Variants in COMMD10 observed in about 807,000 individuals in gnomAD.
COMMD10 encodes COMM domain containing 10, also known as COMM domain-containing protein 10.
A neutral mutation model predicts 28.9 loss-of-function variants in COMMD10; 33 were observed. The observed-to-expected ratio is 1.14, with a 90% CI of 0.87 to 1.53. The LOEUF is 1.53. COMMD10 is among the 40% of genes most tolerant of loss of function. The pLI is 0.00. For synonymous variants in COMMD10, 110 were observed against 81.7 expected, an observed-to-expected ratio of 1.35 and a Z score of -1.87; for missense variants, 310 against 233.4, an observed-to-expected ratio of 1.33 and a Z score of -2.14.
chr5:116,134,934 A>G (rs887683956), intron 5 of COMMD10, among the ~76,000 whole-genome samples: 3 of 151,084 alleles, frequency 2.0e-5, no homozygotes, highest in Admixed American at 1.3e-4. Context: ...AATTTTTTTT[A>G]TACCACAGGA....
intron 5 of COMMD10, among the ~76,000 whole-genome samples, chr5:116,194,585 C>T (rs1339653841): frequency 9.9e-5 from 15 of 152,054 alleles, no homozygotes; most frequent in Non-Finnish European, 1.6e-4. Flanking sequence ...GGATAAATTC[C>T]TGGAAAGATG....
intron 5 of COMMD10, among the ~76,000 whole-genome samples, chr5:116,233,318 T>C (rs924411028): frequency 2.6e-5 from 4 of 152,112 alleles, no homozygotes; most frequent in Non-Finnish European, 4.4e-5. Flanking sequence ...ATATACAAAT[T>C]AAATTTTATC....
At chr5:116,147,321 A>C (rs1051811439) in intron 5 of COMMD10, among the ~76,000 whole-genome samples, 1 of 151,886 alleles carries the variant, frequency 6.6e-6, no homozygotes, top group African/African-American at 2.4e-5. Flanking sequence ...ATGAAGCAGT[A>C]TTATTCTTTA....
rs1409845272 is a variant in COMMD10, at chr5:116,275,475, G to A, written c.511-16042G>A. Among the ~76,000 whole-genome samples the A allele has an allele frequency of 2.4e-4, 37 of 151,808 alleles. No homozygotes were observed. In the East Asian group the frequency reaches 6.6e-3, roughly 27 times the overall value. On this transcript the variant is annotated intron_variant, in intron 5 of 6. Transcript: ENST00000274458. Reference sequence around the variant, plus strand: ...TCTGTGCCCTATACTTTGCCTGTTAGGGCAAAGTATGTCATTTTGTAACCT... The same window carrying A: ...TCTGTGCCCTATACTTTGCCTGTTAAGGCAAAGTATGTCATTTTGTAACCT...
At chr5:116,115,492 C>G (rs1293868125) in intron 4 of COMMD10, among the ~76,000 whole-genome samples, 1 of 152,180 alleles carries the variant, frequency 6.6e-6, no homozygotes, top group East Asian at 1.9e-4. Context: ...AGACTTGAGA[C>G]TGAAATGTCA....
At chr5:116,268,214 A>T (rs1176797471) in intron 5 of COMMD10, among the ~76,000 whole-genome samples, 1 of 151,928 alleles carries the variant, frequency 6.6e-6, no homozygotes, top group Non-Finnish European at 1.5e-5. Context: ...ACAAAGGGCT[A>T]ATATCCAGAA....
rs191714055 is a variant in COMMD10 at position 116,246,782 on chromosome 5, C to T, written c.511-44735C>T. 3.0e-3 allele frequency among the ~76,000 whole-genome samples: 464 copies of T among 152,148 alleles called. 2 individuals are homozygous for T. The highest frequency in any genetic ancestry group is 1.4e-3 in the Non-Finnish European group (96 of 67,994). ...AATAGTGTTGGGATAATTGGCTAGC[C>T]GTATGCAGAAGGTTGAAACTGGACC... On this transcript the variant is annotated intron_variant, in intron 5 of 6. Coordinates refer to ENST00000274458, the MANE Select transcript of COMMD10 (RefSeq NM_016144.4).
At chr5:116,150,183 T>C (rs1752475781) in intron 5 of COMMD10, among the ~76,000 whole-genome samples, 1 of 152,200 alleles carries the variant, frequency 6.6e-6, no homozygotes, top group South Asian at 2.1e-4. Context: ...GCAGTGTTAC[T>C]TCTGAGGGCT....
intron 5 of COMMD10, among the ~76,000 whole-genome samples, chr5:116,138,131 A>G (rs1466422856): frequency 6.6e-6 from 1 of 151,878 alleles, no homozygotes; most frequent in South Asian, 2.1e-4. Flanking sequence ...TCTCTTATTT[A>G]TTTCCATAAA....
intron 5 of COMMD10, among the ~76,000 whole-genome samples, chr5:116,282,361 C>T (rs1443934947): frequency 2.6e-5 from 4 of 151,880 alleles, no homozygotes; most frequent in Admixed American, 6.6e-5. Context: ...TTTGGAGAAA[C>T]TCCAAACTGG....
chr5:116,120,570 C>T (rs193171930), intron 4 of COMMD10, among the ~76,000 whole-genome samples: 1 of 152,054 alleles, frequency 6.6e-6, no homozygotes, highest in Admixed American at 6.6e-5. Context: ...TTTTCCTTTG[C>T]AGTCCCTTAC....
At chr5:116,271,608 G>C (rs1750759606) in intron 5 of COMMD10, among the ~76,000 whole-genome samples, 1 of 151,660 alleles carries the variant, frequency 6.6e-6, no homozygotes, top group Non-Finnish European at 1.5e-5. Context: ...CAACATTTAA[G>C]AAGGCATTAG....
At chr5:116,091,874 T>G (rs539820989) in intron 3 of COMMD10, among the ~76,000 whole-genome samples, 1 of 152,216 alleles carries the variant, frequency 6.6e-6, no homozygotes, top group East Asian at 1.9e-4. Context: ...AAAGTTTAAA[T>G]AGTTTTGTAA....
In COMMD10 at chr5:116,255,379, G is replaced by T. The variant is rs1192835610; in HGVS notation, c.511-36138G>T. 2.0e-5 allele frequency among the ~76,000 whole-genome samples: 3 copies of T among 151,664 alleles called. No individual in the cohort carries two copies. In the East Asian group the frequency reaches 5.8e-4, roughly 29 times the overall value. On this transcript the variant is annotated intron_variant, in intron 5 of 6. Transcript: ENST00000274458. ...GTTATTTTGCTCGTTAGTTGATGCAGTTTCTTCCTAGTCTTGATGGTCGTT... is the reference window on the plus strand; with the variant it reads ...GTTATTTTGCTCGTTAGTTGATGCATTTTCTTCCTAGTCTTGATGGTCGTT...
chr5:116,160,073 G>A (rs1321115308), intron 5 of COMMD10, among the ~76,000 whole-genome samples: 1 of 152,146 alleles, frequency 6.6e-6, no homozygotes, highest in Non-Finnish European at 1.5e-5. Context: ...AATTATAGAG[G>A]TCCATTTCAA....
At chr5:116,116,517 G>T (rs1485404062) in intron 4 of COMMD10, among the ~76,000 whole-genome samples, 1 of 152,104 alleles carries the variant, frequency 6.6e-6, no homozygotes, top group East Asian at 1.9e-4. Context: ...AGGGTATTTT[G>T]TTGTAATTAT....
chr5:116,122,258 T>A (rs932560464), intron 4 of COMMD10, among the ~76,000 whole-genome samples: 2 of 152,234 alleles, frequency 1.3e-5, no homozygotes, highest in Admixed American at 6.5e-5. Flanking sequence ...CCATTTCTTG[T>A]TTTTGTCAGG....
chr5:116,166,125 G>A (rs1193409095), intron 5 of COMMD10, among the ~76,000 whole-genome samples: 4 of 146,308 alleles, frequency 2.7e-5, no homozygotes, highest in Admixed American at 6.9e-5. Context: ...TTTAGTCCTT[G>A]GCACATGGAC....
At chr5:116,138,245 A>G (rs1752088250) in intron 5 of COMMD10, among the ~76,000 whole-genome samples, 1 of 151,902 alleles carries the variant, frequency 6.6e-6, no homozygotes, top group South Asian at 2.1e-4. Context: ...AATGAAATAT[A>G]TTAAAAGCTT....
Sources: allele counts gnomAD v4.1 joint callset (sites outside exome capture counted in the v4.1 genomes callset), GRCh38; gene constraint gnomAD v4.1.1; transcripts MANE v1.5; gene names NCBI Gene and HGNC (gene_info 2026-07-23, HGNC 2026-07-21).